The following MEGF6 variants were observed in gnomAD, a reference collection of about 807,000 sequenced individuals.
MEGF6 encodes multiple epidermal growth factor-like domains protein 6.
Under a neutral mutation model 207.1 loss-of-function variants are expected in MEGF6, and 184 were observed. The ratio of observed to expected loss-of-function variants is 0.89; its 90% confidence interval spans 0.79 to 1.00. The LOEUF is 1.00. Ranked by LOEUF, MEGF6 falls within the 50% of genes least tolerant of loss-of-function variation. MEGF6 has a pLI of 0.00. For synonymous variants in MEGF6, 1,038 were observed against 910.0 expected (o/e 1.14, Z -2.53); for missense variants, 2,282 against 2,202.9 (o/e 1.04, Z -0.72).
chr1:3,510,049 C>T, intron 10 of MEGF6, 57 bp from the exon 11 acceptor site: 4 of 1,544,228 alleles, frequency 2.6e-6, no homozygotes, highest in Non-Finnish European at 3.5e-6. Flanking sequence ...ACCAGGAAGG[C>T]CCCTGCCCAC....
At chr1:3,504,252 G>A (rs1226895709) in intron 17 of MEGF6, among the ~76,000 whole-genome samples, 8 of 152,198 alleles carry the variant, frequency 5.3e-5, no homozygotes, top group African/African-American at 9.6e-5. Context: ...GCCAATGGGC[G>A]TGGACAGCGT....
chr1:3,492,394 C>T (rs1322166174), intron 35 of MEGF6, among the ~76,000 whole-genome samples: 1 of 151,844 alleles, frequency 6.6e-6, no homozygotes, highest in Non-Finnish European at 1.5e-5. Flanking sequence ...GGGCTGTTTC[C>T]AGCTGGCAGC....
intron 14 of MEGF6, 84 bp from the exon 15 acceptor site, chr1:3,506,320 G>T: frequency 6.7e-7 from 1 of 1,491,070 alleles, no homozygotes; most frequent in Non-Finnish European, 9.0e-7. Flanking sequence ...ATGCGCGGGG[G>T]CCCAGGGCCC....
intron 4 of MEGF6, among the ~76,000 whole-genome samples, chr1:3,562,914 CA>C (rs1643242581): frequency 6.6e-6 from 1 of 152,150 alleles, no homozygotes; most frequent in Non-Finnish European, 1.5e-5. Flanking sequence ...CCCCTCTGTA[CA>C]CCCACCCCCA....
rs1188200025 is a variant in MEGF6, at chr1:3,494,439, CTGT to C, written c.4058_4060del (p.Asn1353del). Reference sequence around the variant, plus strand: ...GGTGCCCGTGGCAGGCTCACACGTGCTGTTGTTGTGGCAGGAGCACTCCAGATG... The same window carrying C: ...GGTGCCCGTGGCAGGCTCACACGTGCTGTTGTGGCAGGAGCACTCCAGATG... On this transcript the variant is annotated inframe_deletion, in exon 32 of 37. Transcript: ENST00000356575. 3 of 1,566,972 alleles carry C rather than the reference CTGT, an allele frequency of 1.9e-6. No individual in the cohort carries two copies. The highest frequency in any genetic ancestry group is 1.4e-5 in the African/African-American group (1 of 73,756).
chr1:3,574,588 G>A (rs1643591160), intron 4 of MEGF6, among the ~76,000 whole-genome samples: 1 of 142,544 alleles, frequency 7.0e-6, no homozygotes, highest in Non-Finnish European at 1.5e-5. Context: ...CGGGGGTGGG[G>A]GGGTGGGAAC....
intron 4 of MEGF6, among the ~76,000 whole-genome samples, chr1:3,539,178 G>A (rs927744753): frequency 6.6e-6 from 1 of 152,114 alleles, no homozygotes; most frequent in South Asian, 2.1e-4. Context: ...TGGTGGGGAG[G>A]CGGCCCAGGG....
intron 1 of MEGF6, among the ~76,000 whole-genome samples, chr1:3,609,614 G>T (rs1382190369): frequency 2.0e-5 from 3 of 152,260 alleles, no homozygotes; most frequent in Non-Finnish European, 4.4e-5. Context: ...GAAGGGAGAG[G>T]AGGGGAGGCT....
At chr1:3,501,458 G>A (rs1004750334) in intron 18 of MEGF6, 150 bp from the exon 19 acceptor site, 23 of 1,217,334 alleles carry the variant, frequency 1.9e-5, no homozygotes, top group Non-Finnish European at 2.5e-5. Context: ...GAGGACCCGG[G>A]CACCTCCTGG....
the MEGF6 span, among the ~76,000 whole-genome samples, chr1:3,619,080 G>T: frequency 2.0e-5 from 3 of 152,264 alleles, no homozygotes; most frequent in African/African-American, 7.2e-5. Flanking sequence ...TCCCAGCGGA[G>T]ATTTCCAGTG....
rs1040815534 is a variant in MEGF6 at position 3,602,515 on chromosome 1, A to G, written c.217T>C (p.Trp73Arg). ...GCCTGCCACCCACAGCCGGCCTTCC[A>G]CACCGGCACCGTGTGGCTTAAGGCC... ...VQALSHTVPV[W>R]KAGCGWQAWC... The change falls in exon 2 of 37, where the codon TGG (tryptophan) becomes CGG (arginine). Residue 73 changes from tryptophan (W) to arginine (R), a missense_variant. Coordinates refer to ENST00000356575, the MANE Select transcript of MEGF6 (RefSeq NM_001409.4). The G allele has an allele frequency of 1.2e-6, 2 of 1,613,042 alleles. No homozygotes were observed. Among genetic ancestry groups the G allele is most frequent in the Non-Finnish European group, 8.5e-7 (1 of 1,179,852 alleles).
intron 1 of MEGF6, among the ~76,000 whole-genome samples, chr1:3,605,365 ACACT>A (rs59801836): frequency 0.49 from 74,070 of 151,424 alleles, 19,675 homozygotes; most frequent in Non-Finnish European, 0.61. Flanking sequence ...ACGTTCACAC[ACACT>A]CAATCACACT....
intron 4 of MEGF6, among the ~76,000 whole-genome samples, chr1:3,571,927 ACTGGGTCCTCCTGGGTGTG>A (rs1643509897): frequency 9.4e-5 from 5 of 53,220 alleles, no homozygotes; most frequent in South Asian, 6.8e-4. Context: ...TTCAGGGTGT[ACTGGGTCCTCCTGGGTGTG>A]CTGGGTCCTC....
rs1203120417 is a variant in MEGF6, at chr1:3,500,991, C to G, written c.2550G>C (p.Gly850=). The G allele has an allele frequency of 1.9e-6, 3 of 1,612,082 alleles. No individual in the cohort carries two copies. The Admixed American group carries it at 5.0e-5, about 27-fold the overall frequency. ...CTCTCTGGCAGCTAAAGCCGGTCCA[C>G]CCGGGGGCACAGCTGCAGTGTCCGG... The part of the protein sequence containing the change: ...PATGHCSCAP[G]WTGFSCQRAC... The change falls in exon 20 of 37, where the codon GGG becomes GGC. Residue 850 remains glycine, a synonymous_variant. Coordinates refer to ENST00000356575, the MANE Select transcript of MEGF6 (RefSeq NM_001409.4).
chr1:3,503,256 G>T (rs1237509266), intron 17 of MEGF6, among the ~76,000 whole-genome samples: 1 of 152,212 alleles, frequency 6.6e-6, no homozygotes, highest in African/African-American at 2.4e-5. Flanking sequence ...GTGCCCTAGG[G>T]CACTGGGCAG....
At chr1:3,541,987 T>C (rs1410531846) in intron 4 of MEGF6, among the ~76,000 whole-genome samples, 1 of 152,172 alleles carries the variant, frequency 6.6e-6, no homozygotes, top group Non-Finnish European at 1.5e-5. Context: ...CGCGGCCAAG[T>C]AGCAGCTGAG....
the MEGF6 span, among the ~76,000 whole-genome samples, chr1:3,621,294 A>G: frequency 0.73 from 111,523 of 152,170 alleles, 41,653 homozygotes; most frequent in East Asian, 0.98. Context: ...GCTTGGTAAC[A>G]GGCGTCTTCC....
chr1:3,491,097 T>C (rs931549248), intron 35 of MEGF6, 138 bp from the exon 36 acceptor site: 2 of 696,082 alleles, frequency 2.9e-6, no homozygotes, highest in Non-Finnish European at 4.4e-6. Flanking sequence ...TCTCAGTCCT[T>C]TGCACTCGGG....
rs1304869321 is a variant in MEGF6, at chr1:3,501,786, T to C, written c.2314+10A>G. On this transcript the variant is annotated intron_variant, in intron 18 of 36. Coordinates refer to ENST00000356575, the MANE Select transcript of MEGF6 (RefSeq NM_001409.4). ...GGGGAGGCGGAACTGGGGCTGCGGCTGACACTCACCTGCCTCACAGTCTTC... is the reference window on the plus strand; with the variant it reads ...GGGGAGGCGGAACTGGGGCTGCGGCCGACACTCACCTGCCTCACAGTCTTC... 14 of 1,609,782 alleles carry C rather than the reference T, an allele frequency of 8.7e-6. No homozygotes were observed. Among genetic ancestry groups the C allele is most frequent in the Admixed American group, 1.7e-5 (1 of 59,544 alleles).
Sources: gnomAD v4.1 joint callset for allele counts (sites outside exome capture counted in the v4.1 genomes callset) on GRCh38, gnomAD v4.1.1 for gene constraint, MANE v1.5 for transcripts, NCBI Gene and HGNC (gene_info 2026-07-23, HGNC 2026-07-21) for gene names.